The following INPP4B variants were observed in gnomAD, a reference collection of about 807,000 sequenced individuals.
The protein encoded by INPP4B is inositol polyphosphate 4-phosphatase type II.
Under a neutral mutation model 122.5 loss-of-function variants are expected in INPP4B, and 55 were observed. That is an observed-to-expected ratio of 0.45 (90% CI 0.36 to 0.56). The LOEUF is 0.56. INPP4B is among the 20% of genes least tolerant of loss of function. The pLI is 0.00. For synonymous variants in INPP4B, 403 were observed against 388.7 expected (o/e 1.04, Z -0.43); for missense variants, 1,000 against 1,097.7 (o/e 0.91, Z 1.26).
chr4:142,837,494 G>T (rs903601153), intron 1 of INPP4B, among the ~76,000 whole-genome samples: 1 of 151,936 alleles, frequency 6.6e-6, no homozygotes, highest in Non-Finnish European at 1.5e-5. Flanking sequence ...ATAAGTTTTC[G>T]AACATTTAAA....
At chr4:142,652,501 T>C (rs909829960) in intron 2 of INPP4B, among the ~76,000 whole-genome samples, 7 of 152,216 alleles carry the variant, frequency 4.6e-5, no homozygotes, top group African/African-American at 1.4e-4. Context: ...CTCCTTAAGC[T>C]GATCAGCAAC....
At chr4:142,808,623 G>T (rs925539251) in intron 1 of INPP4B, among the ~76,000 whole-genome samples, 9 of 152,152 alleles carry the variant, frequency 5.9e-5, no homozygotes, top group African/African-American at 2.2e-4. Flanking sequence ...ACTTAACAGA[G>T]ACTGTTTATG....
chr4:142,688,013 A>C (rs768183047), intron 2 of INPP4B, among the ~76,000 whole-genome samples: 6 of 152,002 alleles, frequency 3.9e-5, no homozygotes, highest in Non-Finnish European at 7.4e-5. Context: ...CACAAATCTC[A>C]CCTGAAAACA....
rs114463569 is a variant in INPP4B, at chr4:142,841,967, A to G, written c.-254+4242T>C. ...AGAGTATGTAAAGATAGATAGATAG[A>G]CACAGATAGATAGATTGATAGATAG... is the stretch of plus-strand genomic sequence containing the variant. On this transcript the variant is annotated intron_variant, in intron 1 of 25. Coordinates refer to ENST00000262992, the MANE Select transcript of INPP4B (RefSeq NM_001101669.3). 4.8e-3 allele frequency among the ~76,000 whole-genome samples: 727 copies of G among 151,972 alleles called. 5 individuals carry two copies. Among genetic ancestry groups the G allele is most frequent in the Non-Finnish European group, 7.2e-3 (485 of 67,740 alleles).
intron 2 of INPP4B, among the ~76,000 whole-genome samples, chr4:142,508,755 C>G (rs1824337238): frequency 6.6e-6 from 1 of 152,120 alleles, no homozygotes; most frequent in South Asian, 2.1e-4. Context: ...GCCAATTTTG[C>G]CCCTTACAGG....
chr4:142,432,523 C>G (rs1368035063), intron 3 of INPP4B, among the ~76,000 whole-genome samples: 1 of 152,014 alleles, frequency 6.6e-6, no homozygotes, highest in Non-Finnish European at 1.5e-5. Context: ...ATCAATTAGA[C>G]CAAATCCATC....
intron 1 of INPP4B, among the ~76,000 whole-genome samples, chr4:142,805,368 G>T (rs1177561994): frequency 6.6e-6 from 1 of 152,104 alleles, no homozygotes; most frequent in Non-Finnish European, 1.5e-5. Context: ...GAAAAAGAAT[G>T]GATGGAATAA....
intron 11 of INPP4B, among the ~76,000 whole-genome samples, chr4:142,248,960 A>C (rs1263315410): frequency 6.6e-6 from 1 of 152,030 alleles, no homozygotes; most frequent in Non-Finnish European, 1.5e-5. Flanking sequence ...GCAAATAAAA[A>C]AGCAATGTTC....
At chr4:142,806,782 A>AGAAAGAAAGAAG (rs771249583) in intron 1 of INPP4B, among the ~76,000 whole-genome samples, 5 of 73,060 alleles carry the variant, frequency 6.8e-5, no homozygotes, top group African/African-American at 9.9e-5. Context: ...AAAGAAAGAA[A>AGAAAGAAAGAAG]GAAGGAAAGA....
rs192836889 is a variant in INPP4B at position 142,259,106 on chromosome 4, A to G, written c.688+1386T>C. On this transcript the variant is annotated intron_variant, in intron 11 of 25. Transcript: ENST00000262992. ...ATTCTCAGTAAATTATCACAAGAGC[A>G]AAAAACCAAACACCGCATATTCTCA... Among the ~76,000 whole-genome samples the G allele has an allele frequency of 3.3e-5, 5 of 151,502 alleles. No individual in the cohort carries two copies. The East Asian group carries it at 9.8e-4, about 30-fold the overall frequency.
chr4:142,670,510 C>T (rs1260080555), intron 2 of INPP4B, among the ~76,000 whole-genome samples: 1 of 151,516 alleles, frequency 6.6e-6, no homozygotes, highest in Non-Finnish European at 1.5e-5. Flanking sequence ...CACAGATGAA[C>T]CAGAAGGAAA....
intron 2 of INPP4B, among the ~76,000 whole-genome samples, chr4:142,487,099 C>G (rs900642735): frequency 2.0e-5 from 3 of 152,126 alleles, no homozygotes; most frequent in African/African-American, 7.2e-5. Context: ...GTGAATAAGT[C>G]TCATGAGATC....
chr4:142,064,527 TA>T (rs200347720), intron 25 of INPP4B, among the ~76,000 whole-genome samples: 1,669 of 152,288 alleles, frequency 0.011, 29 homozygotes, highest in African/African-American at 0.037. Context: ...AGATTTTTTT[TA>T]ATGGCAACTA....
chr4:142,086,877 G>C (rs963112268), intron 23 of INPP4B, among the ~76,000 whole-genome samples: 1 of 152,194 alleles, frequency 6.6e-6, no homozygotes, highest in African/African-American at 2.4e-5. Flanking sequence ...AAAAGCATAA[G>C]ACATAGATGT....
chr4:142,575,008 C>T (rs1733550665), intron 2 of INPP4B, among the ~76,000 whole-genome samples: 1 of 152,062 alleles, frequency 6.6e-6, no homozygotes. Context: ...TAACATTTCG[C>T]TAGCACTGAG....
chr4:142,683,816 A>T (rs192747002), intron 2 of INPP4B, among the ~76,000 whole-genome samples: 11 of 152,010 alleles, frequency 7.2e-5, no homozygotes, highest in South Asian at 2.1e-4. Flanking sequence ...GTATAAGGTG[A>T]TTTAAAAAAA....
intron 1 of INPP4B, among the ~76,000 whole-genome samples, chr4:142,755,328 T>C (rs549033077): frequency 4.6e-5 from 7 of 152,122 alleles, no homozygotes; most frequent in Admixed American, 3.3e-4. Context: ...TTAAAAATAA[T>C]ATTGCATTGA....
At chr4:142,356,739 T>C (rs962169789) in intron 7 of INPP4B, among the ~76,000 whole-genome samples, 4 of 151,922 alleles carry the variant, frequency 2.6e-5, no homozygotes, top group Non-Finnish European at 5.9e-5. Flanking sequence ...CTTGGAACTT[T>C]TTGGGTGATC....
chr4:142,770,270 T>G (rs779889655), intron 1 of INPP4B, among the ~76,000 whole-genome samples: 16 of 152,164 alleles, frequency 1.1e-4, no homozygotes, highest in African/African-American at 3.9e-4. Flanking sequence ...GCCATCAACC[T>G]TGGTCCAATA....
Sources: allele counts gnomAD v4.1 joint callset (sites outside exome capture counted in the v4.1 genomes callset), GRCh38; gene constraint gnomAD v4.1.1; transcripts MANE v1.5; gene names NCBI Gene and HGNC (gene_info 2026-07-23, HGNC 2026-07-21).